CAMK1D: variants seen among roughly 807,000 people sequenced by gnomAD.
CAMK1D encodes the protein calcium/calmodulin-dependent protein kinase type 1D.
In CAMK1D, 9 loss-of-function variants were observed where a neutral mutation model predicts 47.7. The ratio of observed to expected loss-of-function variants is 0.19; its 90% confidence interval spans 0.11 to 0.33. CAMK1D has a LOEUF of 0.33. Ranked by LOEUF, CAMK1D falls within the 10% of genes least tolerant of loss-of-function variation. The probability of loss-of-function intolerance (pLI) is 1.00; values close to 1 mark genes in which losing one functional copy is unlikely to be tolerated. For synonymous variants in CAMK1D, 184 were observed against 184.9 expected (o/e 0.99, Z 0.04); for missense variants, 291 against 488.7 (o/e 0.60, Z 3.81).
At chr10:12,463,742 T>G (rs564416240) in intron 1 of CAMK1D, among the ~76,000 whole-genome samples, 1 of 152,276 alleles carries the variant, frequency 6.6e-6, no homozygotes, top group East Asian at 1.9e-4. Context: ...CCACCAGGTC[T>G]CATCTTGGAT....
At chr10:12,572,370 C>T (rs893435058) in intron 2 of CAMK1D, among the ~76,000 whole-genome samples, 2 of 152,126 alleles carry the variant, frequency 1.3e-5, no homozygotes, top group Non-Finnish European at 2.9e-5. Context: ...CCTTGCTTCC[C>T]TTTGTACTTC....
chr10:12,519,639 T>C (rs746745836), intron 1 of CAMK1D, among the ~76,000 whole-genome samples: 27 of 1,134 alleles, frequency 0.024, no homozygotes, highest in African/African-American at 0.032. Context: ...CCACCTCCCT[T>C]CCGGACGGGG....
chr10:12,624,235 C>G (rs1339377353), intron 2 of CAMK1D, among the ~76,000 whole-genome samples: 1 of 152,024 alleles, frequency 6.6e-6, no homozygotes, highest in Admixed American at 6.6e-5. Flanking sequence ...TGTAAATTTT[C>G]TTATTCTAGT....
At chr10:12,782,981 G>GTTTTTGTTTTTTTTTTT (rs1564557932) in intron 5 of CAMK1D, among the ~76,000 whole-genome samples, 1 of 134,852 alleles carries the variant, frequency 7.4e-6, no homozygotes, top group Non-Finnish European at 1.6e-5. Context: ...AGTATTTTCA[G>GTTTTTGTTTTTTTTTTT]TTTTTTTTTT....
At chr10:12,637,865 GAGAA>G (rs1247600461) in intron 2 of CAMK1D, among the ~76,000 whole-genome samples, 1 of 152,102 alleles carries the variant, frequency 6.6e-6, no homozygotes, top group African/African-American at 2.4e-5. Flanking sequence ...GCATGCAAAT[GAGAA>G]AGAAAGCGCT....
chr10:12,606,467 G>A (rs1315522755), intron 2 of CAMK1D, among the ~76,000 whole-genome samples: 1 of 152,212 alleles, frequency 6.6e-6, no homozygotes, highest in Non-Finnish European at 1.5e-5. Context: ...CCTGATAGTT[G>A]TAGGAACCAC....
chr10:12,395,137 T>C (rs1479826466), intron 1 of CAMK1D, among the ~76,000 whole-genome samples: 1 of 147,750 alleles, frequency 6.8e-6, no homozygotes, highest in Non-Finnish European at 1.5e-5. Context: ...AGTGGTGCGA[T>C]CATAGCTAAC....
At chr10:12,350,980 CCTTT>C (rs1337536109) in intron 1 of CAMK1D, among the ~76,000 whole-genome samples, 2 of 152,026 alleles carry the variant, frequency 1.3e-5, no homozygotes, top group Admixed American at 6.6e-5. Context: ...TGTTGGGTGC[CCTTT>C]CTTTCCTTCC....
chr10:12,611,330 G>C (rs1162291311), intron 2 of CAMK1D, among the ~76,000 whole-genome samples: 1 of 152,134 alleles, frequency 6.6e-6, no homozygotes, highest in East Asian at 1.9e-4. Flanking sequence ...CCATCCTAGA[G>C]CCTCGAAGTG....
intron 1 of CAMK1D, among the ~76,000 whole-genome samples, chr10:12,476,864 G>A (rs759427591): frequency 6.6e-5 from 10 of 152,272 alleles, no homozygotes; most frequent in South Asian, 2.1e-4. Context: ...CCAGCTCTCC[G>A]TTCTGTCTGC....
chr10:12,739,598 G>A (rs1835341777), intron 3 of CAMK1D, among the ~76,000 whole-genome samples: 1 of 151,986 alleles, frequency 6.6e-6, no homozygotes, highest in Non-Finnish European at 1.5e-5. Context: ...TGAGATATAT[G>A]CTTTGATCTC....
intron 1 of CAMK1D, among the ~76,000 whole-genome samples, chr10:12,491,900 C>T (rs984953630): frequency 2.6e-5 from 4 of 152,154 alleles, no homozygotes; most frequent in African/African-American, 9.7e-5. Context: ...GATTCTCCTG[C>T]CTCAGTCTCC....
intron 3 of CAMK1D, among the ~76,000 whole-genome samples, chr10:12,734,537 CATATGTAT>C (rs1399641918): frequency 5.5e-5 from 8 of 146,610 alleles, no homozygotes; most frequent in African/African-American, 1.8e-4. Context: ...TATATACACA[CATATGTAT>C]ATATGTATAT....
chr10:12,495,615 C>T (rs1176991085), intron 1 of CAMK1D, among the ~76,000 whole-genome samples: 2 of 152,062 alleles, frequency 1.3e-5, no homozygotes, highest in African/African-American at 4.8e-5. Flanking sequence ...TAGCTTTCGA[C>T]GTCCTTTGGA....
intron 1 of CAMK1D, among the ~76,000 whole-genome samples, chr10:12,361,065 G>A (rs1476741981): frequency 2.0e-5 from 3 of 152,156 alleles, no homozygotes; most frequent in African/African-American, 7.2e-5. Context: ...ATAAGTTGGG[G>A]ACATCCTGTA....
intron 1 of CAMK1D, among the ~76,000 whole-genome samples, chr10:12,495,552 C>A (rs1157318903): frequency 6.6e-6 from 1 of 152,288 alleles, no homozygotes; most frequent in Admixed American, 6.5e-5. Flanking sequence ...AAACATTTAG[C>A]TCTCTAAGAA....
chr10:12,399,733 G>C (rs540983954), intron 1 of CAMK1D, among the ~76,000 whole-genome samples: 71 of 152,270 alleles, frequency 4.7e-4, no homozygotes, highest in African/African-American at 1.7e-3. Context: ...TTGCATTTTT[G>C]TTGGTGATTT....
intron 1 of CAMK1D, among the ~76,000 whole-genome samples, chr10:12,466,809 C>G (rs1442439180): frequency 6.6e-6 from 1 of 152,056 alleles, no homozygotes; most frequent in African/African-American, 2.4e-5. Context: ...GTCGTGGCGG[C>G]AGCTACACAG....
chr10:12,723,272 AGAATTTTTG>A (rs1834476585), intron 3 of CAMK1D, among the ~76,000 whole-genome samples: 1 of 152,234 alleles, frequency 6.6e-6, no homozygotes, highest in Non-Finnish European at 1.5e-5. Flanking sequence ...GGAGAATTGT[AGAATTTTTG>A]CTTTAAAAGG....
Sources: allele counts gnomAD v4.1 joint callset (sites outside exome capture counted in the v4.1 genomes callset), GRCh38; gene constraint gnomAD v4.1.1; transcripts MANE v1.5; gene names NCBI Gene and HGNC (gene_info 2026-07-23, HGNC 2026-07-21).